The following TRMT61B variants were observed in gnomAD, a reference collection of about 807,000 sequenced individuals.
The protein encoded by TRMT61B is tRNA methyltransferase 61B.
TRMT61B carries 56 observed loss-of-function variants against 52.0 expected under a neutral mutation model. The observed-to-expected ratio is 1.08, with a 90% CI of 0.87 to 1.35. TRMT61B has a LOEUF of 1.35. Ranked by LOEUF, TRMT61B falls within the 40% of genes most tolerant of loss-of-function variation. The probability of loss-of-function intolerance (pLI) is 0.00; values close to 1 mark genes in which losing one functional copy is unlikely to be tolerated. For synonymous variants in TRMT61B, 206 were observed against 220.0 expected (o/e 0.94, Z 0.56); for missense variants, 650 against 577.9 (o/e 1.12, Z -1.28).
intron 1 of TRMT61B, 22 bp from the exon 2 acceptor site, chr2:28,865,141 G>A (rs766620242): frequency 7.2e-7 from 1 of 1,382,836 alleles, no homozygotes; most frequent in East Asian, 2.3e-5. Context: ...AACAGTATGG[G>A]TGACTCAGCG....
chr2:28,869,748 A>C lies in TRMT61B; in HGVS notation c.530T>G (p.Phe177Cys). Reference protein sequence around the residue: ...KFKKLFRLNNFGLLNSNWGAV... With the variant: ...KFKKLFRLNNCGLLNSNWGAV... ...CCCCCAGTTACTATTTAAGAGTCCG[A>C]AGTTGTTCAACCTAAATAATTTCTT... The change falls in exon 1 of 7, where the codon TTC becomes TGC. Residue 177 changes from phenylalanine to cysteine, a missense_variant. By Grantham distance (205) the Phe-to-Cys change is radical. Transcript: ENST00000306108. 6.2e-7 allele frequency: 1 copy of C among 1,614,216 alleles called. No individual in the cohort carries two copies. Among genetic ancestry groups the C allele is most frequent in the Non-Finnish European group, 8.5e-7 (1 of 1,180,038 alleles).
At chr2:28,868,229 C>T (rs553770207) in intron 1 of TRMT61B, among the ~76,000 whole-genome samples, 1 of 152,230 alleles carries the variant, frequency 6.6e-6, no homozygotes, top group Admixed American at 6.5e-5. Context: ...CCTCATCTGA[C>T]CCATTGAGGC....
rs577972760 is a variant in TRMT61B, at chr2:28,860,101, A to C, written c.993+1017T>G. Among the ~76,000 whole-genome samples, 80 of 151,614 alleles carry C rather than the reference A, an allele frequency of 5.3e-4. 1 individual carries two copies. The highest frequency in any genetic ancestry group is 1.9e-3 in the African/African-American group (78 of 41,338). On this transcript the variant is annotated intron_variant, in intron 3 of 6. Coordinates refer to ENST00000306108, the MANE Select transcript of TRMT61B (RefSeq NM_017910.4). ...AGCCTGGCCAACATGGTGAAACCCC[A>C]TCTCTACTAAAAATACAAAAATTAG...
At chr2:28,863,556 C>T (rs1457660405) in intron 2 of TRMT61B, among the ~76,000 whole-genome samples, 1 of 152,108 alleles carries the variant, frequency 6.6e-6, no homozygotes, top group Non-Finnish European at 1.5e-5. Flanking sequence ...CCATGACACT[C>T]TTCTGATACT....
At chr2:28,866,635 G>C (rs1361624691) in intron 1 of TRMT61B, among the ~76,000 whole-genome samples, 1 of 152,084 alleles carries the variant, frequency 6.6e-6, no homozygotes, top group African/African-American at 2.4e-5. Context: ...CCACACACTG[G>C]TACCAGTCCT....
Position 28,869,913 on chromosome 2 carries a change from G to C in TRMT61B, c.365C>G (p.Pro122Arg). ...CGPTHQGSEDPSMLSQAQSAT... is the reference protein window; with the variant it reads ...CGPTHQGSEDRSMLSQAQSAT... ...GGACTGGGCCTGCGAGAGCATCGAAGGATCCTCGGATCCCTGGTGTGTGGG... is the reference window on the plus strand; with the variant it reads ...GGACTGGGCCTGCGAGAGCATCGAACGATCCTCGGATCCCTGGTGTGTGGG... Residue 122 changes from proline (P) to arginine (R), a missense_variant, in exon 1 of 7, where the codon CCT (proline) becomes CGT (arginine). Pro to Arg is a moderately radical substitution (Grantham distance 103, BLOSUM62 -2). Coordinates refer to ENST00000306108, the MANE Select transcript of TRMT61B (RefSeq NM_017910.4). 1 of 1,613,822 alleles carries C rather than the reference G, an allele frequency of 6.2e-7. No homozygotes were observed. Among genetic ancestry groups the C allele is most frequent in the South Asian group, 1.1e-5 (1 of 91,060 alleles).
At chr2:28,863,430 C>CAAAAA (rs61373068) in intron 2 of TRMT61B, among the ~76,000 whole-genome samples, 1 of 119,598 alleles carries the variant, frequency 8.4e-6, no homozygotes, top group Non-Finnish European at 1.8e-5. Context: ...GAACCCGCCT[C>CAAAAA]AAAAAAAAAA....
At chr2:28,858,041 C>CTTTTT (rs372996493) in intron 3 of TRMT61B, among the ~76,000 whole-genome samples, 2 of 133,316 alleles carry the variant, frequency 1.5e-5, no homozygotes, top group African/African-American at 2.8e-5. Flanking sequence ...TTGTTTAATT[C>CTTTTT]TTTTTTTTTT....
chr2:28,852,029 T>C (rs1200466565), intron 4 of TRMT61B, among the ~76,000 whole-genome samples: 1 of 151,742 alleles, frequency 6.6e-6, no homozygotes, highest in Non-Finnish European at 1.5e-5. Flanking sequence ...AATGAATATT[T>C]TGGCTGGGCG....
rs1669027780 is a variant in TRMT61B at position 28,850,420 on chromosome 2, T to C, written c.1313-15A>G. On this transcript the variant is annotated splice_polypyrimidine_tract_variant and intron_variant, in intron 5 of 6. Transcript: ENST00000306108. ...ATGCGATTCTTCTGTTGTAAAAAAA[T>C]ATATGTACTATAAGCTACATAAAAT... 3 of 1,498,106 alleles carry C rather than the reference T, an allele frequency of 2.0e-6. No individual in the cohort carries two copies. The Admixed American group carries it at 5.3e-5, about 26-fold the overall frequency. The allele number at this position is 1,498,106 out of a possible 1,614,324, so 92.8% of individuals were successfully genotyped here. A position where few individuals can be genotyped will look rare whatever the true frequency, so the allele number is the denominator to read the frequency against.
In TRMT61B at chr2:28,863,426, G is replaced by A. The variant is rs1439518457; in HGVS notation, c.802+1591C>T. On this transcript the variant is annotated intron_variant, in intron 2 of 6. Coordinates refer to ENST00000306108, the MANE Select transcript of TRMT61B (RefSeq NM_017910.4). Reference sequence around the variant, plus strand: ...AAACTGGGGAACAGAGTGAGAACCCGCCTCAAAAAAAAAAAAAAAGTAACA... The same window carrying A: ...AAACTGGGGAACAGAGTGAGAACCCACCTCAAAAAAAAAAAAAAAGTAACA... Among the ~76,000 whole-genome samples the A allele has an allele frequency of 5.5e-5, 6 of 109,280 alleles. No homozygotes were observed. The East Asian group carries it at 1.4e-3, about 25-fold the overall frequency. 71.7% of individuals were successfully genotyped at this position (109,280 alleles called of 152,430 possible).
Position 28,851,286 on chromosome 2 carries a change from A to G in TRMT61B, c.1098T>C (p.Val366=), listed in dbSNP as rs777121897. 1 of 1,607,296 alleles carries G rather than the reference A, an allele frequency of 6.2e-7. No individual in the cohort carries two copies. The highest frequency in any genetic ancestry group is 2.2e-5 in the East Asian group (1 of 44,720). ...TGCGAATTCCATCTAAAAGTTCAAT[A>G]ACCTGTGTGATGCTTTCAGAAAAGT... is the stretch of plus-strand genomic sequence containing the variant. ...CAVYVVNITQ[V]IELLDGIRTC... The change falls in exon 5 of 7, where the codon GTT becomes GTC. Residue 366 remains valine (V), a synonymous_variant. Coordinates refer to ENST00000306108, the MANE Select transcript of TRMT61B (RefSeq NM_017910.4).
rs780071280 is a variant in TRMT61B, at chr2:28,849,872, TAAAGG to T, written c.*322_*326del. The stretch of plus-strand genomic sequence containing the variant: ...CAGTAGTCAATGACCATCAATCAAA[TAAAGG>T]AAAGAAAACTAATTTCTTGAAGAAA... On this transcript the variant is annotated 3_prime_UTR_variant, in exon 7 of 7. Coordinates refer to ENST00000306108, the MANE Select transcript of TRMT61B (RefSeq NM_017910.4). 3 of 1,579,816 alleles carry T rather than the reference TAAAGG, an allele frequency of 1.9e-6. No homozygotes were observed. Among genetic ancestry groups the T allele is most frequent in the East Asian group, 4.5e-5 (2 of 44,248 alleles).
intron 3 of TRMT61B, among the ~76,000 whole-genome samples, chr2:28,855,471 A>G (rs565995315): frequency 2.6e-5 from 4 of 152,336 alleles, no homozygotes; most frequent in African/African-American, 7.2e-5. Context: ...GAAGTGGTAT[A>G]TATTTTGAAG....
In TRMT61B at chr2:28,853,357, T is replaced by C. The variant is rs1443130811; in HGVS notation, c.994-858A>G. ...TTCTCAGCTAACTTTTTGTATATTA[T>C]GTAGATACAGGTTTTGCCATGTTGC... On this transcript the variant is annotated intron_variant, in intron 3 of 6. Transcript: ENST00000306108. Among the ~76,000 whole-genome samples, 3 of 152,070 alleles carry C rather than the reference T, an allele frequency of 2.0e-5. No homozygotes were observed. In the East Asian group the frequency reaches 5.8e-4, roughly 29 times the overall value.
Position 28,870,159 on chromosome 2 carries a change from C to A in TRMT61B, c.119G>T (p.Cys40Phe). 1.9e-6 allele frequency: 3 copies of A among 1,613,850 alleles called. No individual in the cohort carries two copies. The highest frequency in any genetic ancestry group is 2.5e-6 in the Non-Finnish European group (3 of 1,180,036). Residue 40 changes from cysteine (C) to phenylalanine (F), a missense_variant, in exon 1 of 7, where the codon TGC becomes TTC. Cys to Phe is a radical substitution (Grantham distance 205, BLOSUM62 -2). Coordinates refer to ENST00000306108, the MANE Select transcript of TRMT61B (RefSeq NM_017910.4). The stretch of plus-strand genomic sequence containing the variant: ...TCGCAGGTCTCTAGGCGAGGACCTG[C>A]AACACAGTGACCGAGCTCCCTCGAA... Reference protein sequence around the residue: ...EPFEGARSLCCRSSPRDLRDG... With the variant: ...EPFEGARSLCFRSSPRDLRDG...
chr2:28,858,816 A>AAAAG, intron 3 of TRMT61B, among the ~76,000 whole-genome samples: 3 of 150,008 alleles, frequency 2.0e-5, no homozygotes, highest in Non-Finnish European at 4.4e-5. Context: ...AAAAAAAAAA[A>AAAAG]AAAGAAAAGC....
At chr2:28,863,632 G>A (rs536850139) in intron 2 of TRMT61B, among the ~76,000 whole-genome samples, 1 of 152,214 alleles carries the variant, frequency 6.6e-6, no homozygotes, top group South Asian at 2.1e-4. Context: ...TTTGTCAAAT[G>A]AAACCGTGCA....
intron 4 of TRMT61B, among the ~76,000 whole-genome samples, chr2:28,852,081 G>T (rs1669132026): frequency 6.6e-6 from 1 of 151,400 alleles, no homozygotes; most frequent in African/African-American, 2.4e-5. Context: ...GGGAGACCAG[G>T]TGAGCAGATC....
Sources: allele counts gnomAD v4.1 joint callset (sites outside exome capture counted in the v4.1 genomes callset), GRCh38; gene constraint gnomAD v4.1.1; transcripts MANE v1.5; gene names NCBI Gene and HGNC (gene_info 2026-07-23, HGNC 2026-07-21).